MCCC2: variants seen among roughly 807,000 people sequenced by gnomAD.
MCCC2 encodes the protein methylcrotonoyl-CoA carboxylase beta chain, mitochondrial.
Under a neutral mutation model 77.2 loss-of-function variants are expected in MCCC2, and 52 were observed. The observed-to-expected ratio is 0.67, with a 90% CI of 0.54 to 0.85. MCCC2 has a LOEUF of 0.85. MCCC2 is among the 40% of genes least tolerant of loss of function. The pLI, the probability that MCCC2 is intolerant of heterozygous loss-of-function variation, is 0.00. For synonymous variants in MCCC2, 253 were observed against 248.4 expected (o/e 1.02, Z -0.18); for missense variants, 682 against 703.2 (o/e 0.97, Z 0.34).
At chr5:71,592,113 G>A (rs1745007400) in intron 1 of MCCC2, among the ~76,000 whole-genome samples, 2 of 152,148 alleles carry the variant, frequency 1.3e-5, no homozygotes, top group South Asian at 4.1e-4. Context: ...AGGTGCGGTG[G>A]CTCATGCCTG....
intron 11 of MCCC2, among the ~76,000 whole-genome samples, chr5:71,643,186 C>G (rs1002454052): frequency 1.3e-5 from 2 of 152,162 alleles, no homozygotes; most frequent in South Asian, 4.2e-4. Flanking sequence ...AGTTCCAGAC[C>G]AGCCTGGCAA....
At position 71,609,817 on chromosome 5, in the gene MCCC2, A is replaced by G. The variant is rs1197353697; in HGVS notation, c.624+5349A>G. Among the ~76,000 whole-genome samples the G allele has an allele frequency of 4.3e-3, 652 of 151,776 alleles. 2 individuals are homozygous for G. The highest frequency in any genetic ancestry group is 0.011 in the Middle Eastern group (3 of 284). On this transcript the variant is annotated intron_variant, in intron 6 of 16. Transcript: ENST00000340941. ...GACCCTCAGCTGCAGGTCTGTTGGA[A>G]TACCCTGCCGTGTGAGATGTCAGTG...
At chr5:71,593,621 C>T (rs979474800) in intron 2 of MCCC2, among the ~76,000 whole-genome samples, 4 of 151,642 alleles carry the variant, frequency 2.6e-5, no homozygotes, top group Admixed American at 2.0e-4. Flanking sequence ...ACCCCTGGCT[C>T]AAGCGATCCT....
chr5:71,613,705 C>A (rs1336235697), intron 6 of MCCC2, among the ~76,000 whole-genome samples: 1 of 152,002 alleles, frequency 6.6e-6, no homozygotes, highest in Non-Finnish European at 1.5e-5. Context: ...CACTGCACTT[C>A]AGCCTGAGTG....
chr5:71,616,500 C>T (rs1241224429), intron 6 of MCCC2, among the ~76,000 whole-genome samples: 2 of 152,148 alleles, frequency 1.3e-5, no homozygotes, highest in African/African-American at 4.8e-5. Context: ...AGAAATACCC[C>T]CACATATCTG....
chr5:71,636,077 A>G, intron 10 of MCCC2: 1 of 403,248 alleles, frequency 2.5e-6, no homozygotes, highest in Admixed American at 2.9e-5. Flanking sequence ...TCTAGTTTAA[A>G]TTATAAACAT....
intron 6 of MCCC2, among the ~76,000 whole-genome samples, chr5:71,624,498 C>T (rs1746469778): frequency 6.6e-6 from 1 of 151,742 alleles, no homozygotes; most frequent in African/African-American, 2.4e-5. Flanking sequence ...CTGCCTCAGC[C>T]TCCCGAGTAG....
At chr5:71,633,077 T>G (rs1468502670) in intron 8 of MCCC2, among the ~76,000 whole-genome samples, 1 of 133,850 alleles carries the variant, frequency 7.5e-6, no homozygotes, top group African/African-American at 2.9e-5. Flanking sequence ...AGGAGGAGGG[T>G]TTTTTTTTCA....
In MCCC2 at chr5:71,620,792, G is replaced by A. The variant is rs1467559349; in HGVS notation, c.625-5848G>A. Among the ~76,000 whole-genome samples the A allele has an allele frequency of 2.0e-5, 3 of 152,082 alleles. No individual in the cohort carries two copies. In the East Asian group the frequency reaches 5.8e-4, roughly 29 times the overall value. On this transcript the variant is annotated intron_variant, in intron 6 of 16. Transcript: ENST00000340941. ...GGGATGACAAGTATTGTTACTGTCA[G>A]GTATGTCTCATCCTCATCCTTCTTG...
rs757744427 is a variant in MCCC2 at position 71,596,245 on chromosome 5, C to CAATCT, written c.197-20_197-16dup. The CAATCT allele has an allele frequency of 1.3e-5, 21 of 1,573,442 alleles. No individual in the cohort carries two copies. The Middle Eastern group carries it at 5.0e-4, about 38-fold the overall frequency. ...TGGCATTGAGACCTTTTTATCGTGT[C>CAATCT]AATCTAATCTAATCTAATCACATTT... On this transcript the variant is annotated intron_variant, in intron 2 of 16. Transcript: ENST00000340941.
intron 3 of MCCC2, among the ~76,000 whole-genome samples, chr5:71,596,810 T>G (rs1204091005): frequency 1.3e-5 from 2 of 151,894 alleles, no homozygotes; most frequent in African/African-American, 4.8e-5. Flanking sequence ...CATGGTGGCA[T>G]GTGCTTGTAG....
intron 10 of MCCC2, 62 bp downstream of exon 10, chr5:71,635,308 A>G (rs1388395000): frequency 1.4e-6 from 2 of 1,436,546 alleles, no homozygotes; most frequent in South Asian, 2.3e-5. Context: ...ATGTGTATCT[A>G]TTTGCAAAGC....
chr5:71,650,285 G>A, intron 15 of MCCC2, 102 bp downstream of exon 15: 1 of 918,046 alleles, frequency 1.1e-6, no homozygotes. Context: ...GTTCATGGCT[G>A]GGGACCTGGC....
intron 13 of MCCC2, among the ~76,000 whole-genome samples, chr5:71,648,712 G>A (rs1018720492): frequency 1.4e-4 from 22 of 151,904 alleles, no homozygotes; most frequent in Non-Finnish European, 3.1e-4. Flanking sequence ...GTAGGGTCTC[G>A]CTTTGTTGCC....
At chr5:71,612,546 C>T (rs1745997780) in intron 6 of MCCC2, among the ~76,000 whole-genome samples, 2 of 152,106 alleles carry the variant, frequency 1.3e-5, no homozygotes, top group African/African-American at 4.8e-5. Context: ...TTTAGAGAAA[C>T]AGGATCTTGC....
intron 6 of MCCC2, among the ~76,000 whole-genome samples, chr5:71,621,790 C>CAA (rs796529348): frequency 1.6e-5 from 2 of 128,066 alleles, no homozygotes; most frequent in African/African-American, 5.8e-5. Flanking sequence ...TTAATGGATA[C>CAA]AAAAAAAAAA....
chr5:71,646,411 A>G (rs1747276453), intron 13 of MCCC2, 134 bp downstream of exon 13: 2 of 751,280 alleles, frequency 2.7e-6, no homozygotes, highest in Middle Eastern at 2.3e-4. Context: ...CTCTTTCTGG[A>G]GGCCCTTTAA....
chr5:71,652,677 T>G lies in MCCC2; in HGVS notation c.1497T>G (p.Ser499Arg), dbSNP rs1420383780. Residue 499 changes from serine to arginine, a missense_variant, in exon 16 of 17, where the codon AGT (serine) becomes AGG (arginine). Physicochemically the swap from Ser to Arg is moderately radical, Grantham distance 110 (BLOSUM62 -1). Coordinates refer to ENST00000340941, the MANE Select transcript of MCCC2 (RefSeq NM_022132.5). ...QRAREGKQFSSADEAALKEPI... is the reference protein window; with the variant it reads ...QRAREGKQFSRADEAALKEPI... ...GGCCTCTTTTCCTTTAGTTCTCCAGTGCTGATGAAGCGGCTTTAAAAGAGC... is the reference window on the plus strand; with the variant it reads ...GGCCTCTTTTCCTTTAGTTCTCCAGGGCTGATGAAGCGGCTTTAAAAGAGC... 1.2e-6 allele frequency: 2 copies of G among 1,614,138 alleles called. No homozygotes were observed. The highest frequency in any genetic ancestry group is 1.7e-6 in the Non-Finnish European group (2 of 1,179,992).
At chr5:71,600,082 T>C (rs1240026704) in intron 4 of MCCC2, among the ~76,000 whole-genome samples, 11 of 152,060 alleles carry the variant, frequency 7.2e-5, no homozygotes. Flanking sequence ...GGAGAATCGC[T>C]TGAACCTGGG....
Sources: allele counts gnomAD v4.1 joint callset (sites outside exome capture counted in the v4.1 genomes callset), GRCh38; gene constraint gnomAD v4.1.1; transcripts MANE v1.5; gene names NCBI Gene and HGNC (gene_info 2026-07-23, HGNC 2026-07-21).